CFAP47: variants seen among roughly 807,000 people sequenced by gnomAD.
CFAP47 encodes cilia- and flagella-associated protein 47.
In CFAP47, 29 loss-of-function variants were observed where a neutral mutation model predicts 148.1. The ratio of observed to expected loss-of-function variants is 0.20; its 90% CI spans 0.15 to 0.27. The LOEUF (loss-of-function observed/expected upper bound fraction) is 0.27, where lower values mean the gene tolerates loss of function less well. Ranked by LOEUF, CFAP47 falls within the 10% of genes least tolerant of loss-of-function variation. CFAP47 has a pLI of 1.00. For synonymous variants in CFAP47, 664 were observed against 577.3 expected (o/e 1.15, Z -2.15); for missense variants, 1,872 against 1,697.5 (o/e 1.10, Z -1.81).
intron 35 of CFAP47, among the ~76,000 whole-genome samples, chrX:36,139,584 TA>T (rs916676185): frequency 1.8e-5 from 2 of 111,609 alleles, no homozygotes; most frequent in African/African-American, 6.5e-5. Flanking sequence ...AGGAGTACAG[TA>T]ATTACTTTCT....
intron 36 of CFAP47, among the ~76,000 whole-genome samples, chrX:36,148,399 T>TA (rs904859487): frequency 3.6e-5 from 4 of 111,676 alleles, no homozygotes; most frequent in Admixed American, 1.9e-4. Context: ...GGGGCCTAGT[T>TA]AAAAAAAGAG....
Position 35,966,758 on chromosome X carries a change from T to C in CFAP47, c.1600+4T>C, listed in dbSNP as rs1452354774. On this transcript the variant is annotated splice_donor_region_variant and intron_variant, in intron 9 of 63. Transcript: ENST00000378653. Reference sequence around the variant, plus strand: ...GTTGTGATGAAATTTGATCCTGGTATGCTATTGTGTAGTGCCCACCTGGCT... The same window carrying C: ...GTTGTGATGAAATTTGATCCTGGTACGCTATTGTGTAGTGCCCACCTGGCT... The C allele has an allele frequency of 1.8e-6, 2 of 1,087,837 alleles. No homozygotes were observed. Among genetic ancestry groups the C allele is most frequent in the South Asian group, 5.5e-5 (2 of 36,378 alleles). 89.6% of individuals were successfully genotyped at this position (1,087,837 alleles called of 1,213,427 possible). A position where few individuals can be genotyped will look rare whatever the true frequency, so the allele number is the denominator to read the frequency against.
intron 61 of CFAP47, among the ~76,000 whole-genome samples, chrX:36,363,877 C>G (rs1556019693): frequency 9.0e-6 from 1 of 111,021 alleles, no homozygotes; most frequent in African/African-American, 3.3e-5. Flanking sequence ...AATCAAGGGT[C>G]CAATACAAAA....
intron 57 of CFAP47, among the ~76,000 whole-genome samples, chrX:36,345,186 G>A (rs1431495238): frequency 1.8e-5 from 2 of 110,645 alleles, no homozygotes; most frequent in East Asian, 2.8e-4. Context: ...TATCTATTTC[G>A]TACAACAATG....
chrX:36,160,816 CA>C, intron 39 of CFAP47, 47 bp downstream of exon 39: 1 of 287,002 alleles, frequency 3.5e-6, no homozygotes, highest in Non-Finnish European at 6.1e-6. Context: ...GCTCTATCTC[CA>C]CTCTGAAGAG....
intron 22 of CFAP47, among the ~76,000 whole-genome samples, chrX:36,021,059 A>G (rs1381099367): frequency 9.0e-6 from 1 of 111,438 alleles, no homozygotes; most frequent in Admixed American, 9.6e-5. Context: ...AGCTAATAAC[A>G]AGGTAACACT....
intron 56 of CFAP47, among the ~76,000 whole-genome samples, chrX:36,313,004 G>A (rs1361965078): frequency 2.7e-5 from 3 of 110,932 alleles, no homozygotes; most frequent in African/African-American, 9.8e-5. Context: ...CCCTTTTGTG[G>A]TATCTTTTTT....
At chrX:36,266,286 C>T (rs189439777) in intron 49 of CFAP47, among the ~76,000 whole-genome samples, 1 of 110,141 alleles carries the variant, frequency 9.1e-6, no homozygotes, top group Non-Finnish European at 1.9e-5. Context: ...ATGGTGGCAC[C>T]ACTGATGGGA....
chrX:36,088,991 TA>T (rs1046261852), intron 30 of CFAP47, among the ~76,000 whole-genome samples: 2 of 111,902 alleles, frequency 1.8e-5, no homozygotes, highest in Non-Finnish European at 3.8e-5. Flanking sequence ...TTCACCAAAA[TA>T]AATACACTTA....
intron 57 of CFAP47, among the ~76,000 whole-genome samples, chrX:36,344,240 A>AG (rs1289180383): frequency 1.5e-4 from 15 of 100,187 alleles, no homozygotes; most frequent in African/African-American, 5.0e-4. Flanking sequence ...TAAAAAAAAG[A>AG]AAAAAAAAGA....
intron 45 of CFAP47, chrX:36,211,226 T>C (rs1412780664): frequency 1.4e-4 from 32 of 234,728 alleles, no homozygotes; most frequent in Non-Finnish European, 2.4e-4. Context: ...TCAGTCAGTT[T>C]CTCAGAGTTT....
chrX:36,245,179 C>G (rs1168039338), intron 48 of CFAP47, among the ~76,000 whole-genome samples: 2 of 111,272 alleles, frequency 1.8e-5, no homozygotes, highest in African/African-American at 6.5e-5. Context: ...GAAACACCTT[C>G]AAGAGACTAG....
At position 36,045,314 on chromosome X, in the gene CFAP47, C is replaced by T. The variant is rs190706827; in HGVS notation, c.4008-1540C>T. On this transcript the variant is annotated intron_variant, in intron 25 of 63. Transcript: ENST00000378653. ...AATTTATCAACTTGGTGTTCTACTC[C>T]GCTGTGGCTGTGCTGGTACCTCAGG... 4.6e-3 allele frequency among the ~76,000 whole-genome samples: 517 copies of T among 111,449 alleles called. 2 individuals are homozygous for T. Among genetic ancestry groups the T allele is most frequent in the African/African-American group, 0.016 (485 of 30,645 alleles).
chrX:36,146,801 A>G (rs1482158632), intron 36 of CFAP47, among the ~76,000 whole-genome samples: 1 of 95,229 alleles, frequency 1.1e-5, no homozygotes, highest in Non-Finnish European at 2.1e-5. Context: ...TTTTTTTGAG[A>G]CGGAGTTTCA....
At chrX:36,160,591 G>T (rs942435759) in intron 38 of CFAP47, 90 bp from the exon 39 acceptor site, 1 of 272,374 alleles carries the variant, frequency 3.7e-6, no homozygotes, top group East Asian at 5.3e-5. Flanking sequence ...TTAAATGGAC[G>T]GTTTATAGAT....
chrX:36,302,164 A>C (rs916139248), intron 53 of CFAP47, among the ~76,000 whole-genome samples: 4 of 110,372 alleles, frequency 3.6e-5, no homozygotes, highest in Non-Finnish European at 7.6e-5. Context: ...GAAATCTGTC[A>C]TGATTTTTAG....
chrX:36,051,890 T>A (rs1937521623), intron 26 of CFAP47, among the ~76,000 whole-genome samples: 1 of 109,873 alleles, frequency 9.1e-6, no homozygotes, highest in Non-Finnish European at 1.9e-5. Context: ...GGGGGGTGGG[T>A]TTTTTCTTGC....
At chrX:36,200,098 A>G (rs782751154) in intron 42 of CFAP47, among the ~76,000 whole-genome samples, 27 of 111,855 alleles carry the variant, frequency 2.4e-4, no homozygotes, top group African/African-American at 7.8e-4. Flanking sequence ...TCATTTTAAG[A>G]CAGCATTTGC....
intron 40 of CFAP47, among the ~76,000 whole-genome samples, chrX:36,187,134 A>G (rs1384075384): frequency 1.8e-5 from 2 of 112,055 alleles, no homozygotes; most frequent in African/African-American, 6.5e-5. Flanking sequence ...TATTTCATCA[A>G]ATTATTTTCT....
Sources: allele counts gnomAD v4.1 joint callset (sites outside exome capture counted in the v4.1 genomes callset), GRCh38; gene constraint gnomAD v4.1.1; transcripts MANE v1.5; gene names NCBI Gene and HGNC (gene_info 2026-07-23, HGNC 2026-07-21).